UNC5C: variants seen among roughly 807,000 people sequenced by gnomAD.
UNC5C encodes unc-5 netrin receptor C, also known as netrin receptor UNC5C.
In UNC5C, 47 loss-of-function variants were observed where a neutral mutation model predicts 99.8. The ratio of observed to expected loss-of-function variants is 0.47; its 90% CI spans 0.37 to 0.60. The LOEUF (loss-of-function observed/expected upper bound fraction) is 0.60, where lower values mean the gene tolerates loss of function less well. UNC5C is among the 20% of genes least tolerant of loss of function. The probability of loss-of-function intolerance (pLI) is 0.00; values close to 1 mark genes in which losing one functional copy is unlikely to be tolerated. For synonymous variants in UNC5C, 487 were observed against 452.2 expected, an observed-to-expected ratio of 1.08 and a Z score of -0.98; for missense variants, 1,062 against 1,165.9, an observed-to-expected ratio of 0.91 and a Z score of 1.30.
At chr4:95,235,070 C>T (rs1739059514) in intron 7 of UNC5C, among the ~76,000 whole-genome samples, 1 of 152,126 alleles carries the variant, frequency 6.6e-6, no homozygotes, top group Non-Finnish European at 1.5e-5. Flanking sequence ...GTGTTACTGG[C>T]TATAAGTCTT....
At chr4:95,435,336 A>G (rs1275198945) in intron 1 of UNC5C, among the ~76,000 whole-genome samples, 1 of 152,010 alleles carries the variant, frequency 6.6e-6, no homozygotes, top group Non-Finnish European at 1.5e-5. Context: ...TAGTGACATT[A>G]TTAAATAGCC....
chr4:95,542,274 C>T (rs138566939), intron 1 of UNC5C, among the ~76,000 whole-genome samples: 1 of 152,210 alleles, frequency 6.6e-6, no homozygotes, highest in Non-Finnish European at 1.5e-5. Flanking sequence ...TCCACTACCA[C>T]GTTGGCAATA....
At chr4:95,464,766 C>G (rs1160555382) in intron 1 of UNC5C, among the ~76,000 whole-genome samples, 3 of 152,210 alleles carry the variant, frequency 2.0e-5, no homozygotes, top group African/African-American at 7.2e-5. Flanking sequence ...TTCTAATAGG[C>G]TTTTGTTTCA....
chr4:95,354,771 G>A (rs1169723426), intron 1 of UNC5C, among the ~76,000 whole-genome samples: 1 of 151,934 alleles, frequency 6.6e-6, no homozygotes, highest in Admixed American at 6.6e-5. Context: ...ACAGGTGTGA[G>A]TCACCATGCC....
chr4:95,248,152 A>C (rs1194624704), intron 5 of UNC5C: 2 of 170,924 alleles, frequency 1.2e-5, no homozygotes, highest in Admixed American at 5.6e-5. Context: ...CTTCTCATAA[A>C]CACACATCCA....
At chr4:95,410,905 TG>T (rs1229567929) in intron 1 of UNC5C, among the ~76,000 whole-genome samples, 1 of 152,116 alleles carries the variant, frequency 6.6e-6, no homozygotes, top group Non-Finnish European at 1.5e-5. Flanking sequence ...CACCACCACC[TG>T]GTTCCCTCTG....
At chr4:95,332,926 C>T (rs990196800) in intron 2 of UNC5C, among the ~76,000 whole-genome samples, 20 of 152,098 alleles carry the variant, frequency 1.3e-4, no homozygotes, top group East Asian at 7.7e-4. Context: ...GAACAGACAC[C>T]TCTCAAAAGA....
Position 95,255,741 on chromosome 4 carries a change from C to T in UNC5C, c.595-5074G>A, listed in dbSNP as rs148010476. Among the ~76,000 whole-genome samples, 359 of 152,260 alleles carry T rather than the reference C, an allele frequency of 2.4e-3. 1 individual carries two copies. Among genetic ancestry groups the T allele is most frequent in the African/African-American group, 8.3e-3 (345 of 41,566 alleles). ...CTTGATACTGAATCATTTCCACCAGCCTGCAGATGTGCTGTTAGCTTTCAA... is the reference window on the plus strand; with the variant it reads ...CTTGATACTGAATCATTTCCACCAGTCTGCAGATGTGCTGTTAGCTTTCAA... On this transcript the variant is annotated intron_variant, in intron 4 of 15. Transcript: ENST00000453304.
At chr4:95,487,890 C>T (rs1340540352) in intron 1 of UNC5C, among the ~76,000 whole-genome samples, 1 of 151,720 alleles carries the variant, frequency 6.6e-6, no homozygotes, top group Non-Finnish European at 1.5e-5. Context: ...TAACTCCTTC[C>T]TCCTGGGCTA....
chr4:95,443,569 G>T (rs985577197), intron 1 of UNC5C, among the ~76,000 whole-genome samples: 2 of 152,116 alleles, frequency 1.3e-5, no homozygotes, highest in South Asian at 4.1e-4. Flanking sequence ...CTTTGAGAAT[G>T]TAATAAATAA....
intron 2 of UNC5C, among the ~76,000 whole-genome samples, chr4:95,316,977 G>GA (rs35955009): frequency 0.85 from 123,374 of 145,262 alleles, 52,286 homozygotes; most frequent in African/African-American, 0.94. Context: ...TCACTGCTCA[G>GA]AAAAAAAAAG....
chr4:95,305,674 T>C (rs1200519481), intron 2 of UNC5C, among the ~76,000 whole-genome samples: 1 of 152,208 alleles, frequency 6.6e-6, no homozygotes, highest in Non-Finnish European at 1.5e-5. Flanking sequence ...CAAGGATGCA[T>C]GCTGTTTGAA....
intron 1 of UNC5C, among the ~76,000 whole-genome samples, chr4:95,487,176 A>G (rs115570151): frequency 1.3e-4 from 20 of 151,870 alleles, no homozygotes; most frequent in African/African-American, 4.8e-4. Context: ...CTAAAACACC[A>G]TCTTTCCCTC....
At position 95,220,292 on chromosome 4, in the gene UNC5C, A is replaced by G; in HGVS notation, c.1109-116T>C. On this transcript the variant is annotated intron_variant, in intron 7 of 15. Coordinates refer to ENST00000453304, the MANE Select transcript of UNC5C (RefSeq NM_003728.4). ...TGCCTTTTTTATAGGTTAATTTCAA[A>G]TCTATTTCAAAAGCTATATAAAATG... 2.9e-6 allele frequency: 3 copies of G among 1,024,010 alleles called. No homozygotes were observed. The South Asian group carries it at 5.7e-5, about 19-fold the overall frequency. The allele number at this position is 1,024,010 out of a possible 1,614,324, so 63.4% of individuals were successfully genotyped here. A position where few individuals can be genotyped will look rare whatever the true frequency, so the allele number is the denominator to read the frequency against.
intron 1 of UNC5C, among the ~76,000 whole-genome samples, chr4:95,356,866 T>G (rs1205318964): frequency 3.9e-5 from 6 of 152,158 alleles, no homozygotes; most frequent in East Asian, 1.9e-4. Flanking sequence ...ATATCTACAG[T>G]GAATTTTAGA....
intron 1 of UNC5C, among the ~76,000 whole-genome samples, chr4:95,508,067 T>A (rs1721971553): frequency 6.6e-6 from 1 of 151,988 alleles, no homozygotes; most frequent in Non-Finnish European, 1.5e-5. Context: ...CAATTTTTCT[T>A]CCAGTCTTCT....
intron 2 of UNC5C, among the ~76,000 whole-genome samples, chr4:95,306,592 T>C (rs910558391): frequency 2.6e-5 from 4 of 152,198 alleles, no homozygotes; most frequent in Non-Finnish European, 5.9e-5. Context: ...GATAGTGAAT[T>C]TGCGCCTTCT....
chr4:95,416,462 A>G (rs1235831664), intron 1 of UNC5C, among the ~76,000 whole-genome samples: 2 of 152,100 alleles, frequency 1.3e-5, no homozygotes, highest in Non-Finnish European at 2.9e-5. Flanking sequence ...GAAAAAAGTG[A>G]GGGGAGAAGG....
intron 5 of UNC5C, among the ~76,000 whole-genome samples, chr4:95,245,430 A>G (rs781683742): frequency 3.9e-5 from 6 of 152,146 alleles, no homozygotes; most frequent in Non-Finnish European, 8.8e-5. Flanking sequence ...TAAAAAATAC[A>G]CCTATCTCCT....
Sources: allele counts gnomAD v4.1 joint callset (sites outside exome capture counted in the v4.1 genomes callset), GRCh38; gene constraint gnomAD v4.1.1; transcripts MANE v1.5; gene names NCBI Gene and HGNC (gene_info 2026-07-23, HGNC 2026-07-21).